ERC1: variants seen among roughly 807,000 people sequenced by gnomAD.
The protein encoded by ERC1 is RAB6 interacting protein 2.
In ERC1, 56 loss-of-function variants were observed where a neutral mutation model predicts 132.0. The ratio of observed to expected loss-of-function variants is 0.42; its 90% CI spans 0.34 to 0.53. The LOEUF (loss-of-function observed/expected upper bound fraction) is 0.53, where lower values mean the gene tolerates loss of function less well. ERC1 is among the 20% of genes least tolerant of loss of function. ERC1 has a pLI of 0.03. For synonymous variants in ERC1, 478 were observed against 476.1 expected (o/e 1.00, Z -0.05); for missense variants, 1,202 against 1,349.9 (o/e 0.89, Z 1.72).
chr12:1,219,402 T>C (rs1350366253), intron 12 of ERC1, among the ~76,000 whole-genome samples: 1 of 152,178 alleles, frequency 6.6e-6, no homozygotes, highest in African/African-American at 2.4e-5. Context: ...CATTCACTCA[T>C]TGTGCAGGCA....
At chr12:1,253,000 A>G (rs1001968780) in intron 13 of ERC1, among the ~76,000 whole-genome samples, 3 of 152,214 alleles carry the variant, frequency 2.0e-5, no homozygotes, top group African/African-American at 7.2e-5. Flanking sequence ...GATAATGGAT[A>G]ACAGTTAACA....
intron 15 of ERC1, among the ~76,000 whole-genome samples, chr12:1,298,565 C>T (rs76725080): frequency 7.3e-6 from 1 of 136,978 alleles, no homozygotes; most frequent in Non-Finnish European, 1.6e-5. Context: ...AACAAACAAA[C>T]AAAGAAAAAG....
At chr12:1,382,053 C>T (rs940309311) in intron 16 of ERC1, among the ~76,000 whole-genome samples, 2 of 152,124 alleles carry the variant, frequency 1.3e-5, no homozygotes, top group African/African-American at 4.8e-5. Flanking sequence ...CGTTCTATAA[C>T]CATTCCTGTC....
chr12:1,065,480 TTGTGTGTGTGTGTGTG>T (rs71293132), intron 2 of ERC1, among the ~76,000 whole-genome samples: 7 of 124,922 alleles, frequency 5.6e-5, no homozygotes, highest in Admixed American at 1.6e-4. Flanking sequence ...TTTGTACCGT[TTGTGTGTGTGTGTGTG>T]TGTGTGTGTG....
chr12:1,479,061 A>G (rs1344480751), intron 18 of ERC1, among the ~76,000 whole-genome samples: 1 of 152,242 alleles, frequency 6.6e-6, no homozygotes, highest in Non-Finnish European at 1.5e-5. Flanking sequence ...TTTATCAGAA[A>G]GACCATCTTT....
intron 1 of ERC1, chr12:1,020,702 G>C (rs913201331): frequency 3.3e-5 from 5 of 152,148 alleles, no homozygotes; most frequent in African/African-American, 1.2e-4. Context: ...GTATCCTCAC[G>C]ACATGGCAGC....
At chr12:1,282,049 G>A (rs947649488) in intron 14 of ERC1, among the ~76,000 whole-genome samples, 2 of 152,006 alleles carry the variant, frequency 1.3e-5, no homozygotes, top group Non-Finnish European at 2.9e-5. Context: ...TAAATAAAAG[G>A]AAAATTGAGA....
At chr12:1,071,683 C>T (rs1440502054) in intron 2 of ERC1, among the ~76,000 whole-genome samples, 1 of 151,976 alleles carries the variant, frequency 6.6e-6, no homozygotes, top group Non-Finnish European at 1.5e-5. Flanking sequence ...ATCACTCTTT[C>T]CATATGATAC....
In ERC1 at chr12:1,255,621, C is replaced by CTTT. The variant is rs757949030; in HGVS notation, c.2488-7386_2488-7384dup. ...TCTTCAGCATCTGTTGCTTCCTGGC[C>CTTT]TTTTTTTTTTTTTTTTTTTTTTTTT... On this transcript the variant is annotated intron_variant, in intron 13 of 18. Coordinates refer to ENST00000360905, the MANE Select transcript of ERC1 (RefSeq NM_178040.4). Among the ~76,000 whole-genome samples, 272 of 61,500 alleles carry CTTT rather than the reference C, an allele frequency of 4.4e-3. 48 individuals are homozygous for CTTT. The highest frequency in any genetic ancestry group is 8.6e-3 in the African/African-American group (143 of 16,622). The allele number at this position is 61,500 out of a possible 152,430, so 40.3% of individuals were successfully genotyped here. A position where few individuals can be genotyped will look rare whatever the true frequency, so the allele number is the denominator to read the frequency against.
intron 15 of ERC1, among the ~76,000 whole-genome samples, chr12:1,341,065 T>C (rs1005643142): frequency 5.2e-5 from 5 of 95,508 alleles, no homozygotes; most frequent in African/African-American, 1.9e-4. Context: ...ATTCTTTTCT[T>C]TTTCTTTTTT....
chr12:1,342,616 C>G (rs1349365913), intron 15 of ERC1, among the ~76,000 whole-genome samples: 1 of 152,054 alleles, frequency 6.6e-6, no homozygotes, highest in East Asian at 1.9e-4. Context: ...TTGTACAGAC[C>G]CTCCTAGTCT....
chr12:1,294,152 G>T (rs1306662398), intron 15 of ERC1, among the ~76,000 whole-genome samples: 1 of 152,000 alleles, frequency 6.6e-6, no homozygotes, highest in Non-Finnish European at 1.5e-5. Flanking sequence ...TTTCTGCCCT[G>T]ATATTCAGTG....
chr12:1,105,630 T>C (rs1945175955), intron 4 of ERC1, among the ~76,000 whole-genome samples: 1 of 152,202 alleles, frequency 6.6e-6, no homozygotes, highest in African/African-American at 2.4e-5. Context: ...GTGCTGGGAT[T>C]ACAGGTGTGA....
At chr12:1,240,731 A>C (rs73027426) in intron 13 of ERC1, among the ~76,000 whole-genome samples, 4,642 of 152,146 alleles carry the variant, frequency 0.031, 92 homozygotes, top group South Asian at 0.058. Context: ...AAAAATTATA[A>C]ATTTTAATTA....
chr12:1,413,361 A>G (rs993146373), intron 17 of ERC1, among the ~76,000 whole-genome samples: 2 of 152,122 alleles, frequency 1.3e-5, no homozygotes, highest in African/African-American at 2.4e-5. Flanking sequence ...TGGGAGGCCG[A>G]GGCAGGCAGA....
chr12:1,412,616 A>G (rs2091909023), intron 17 of ERC1, among the ~76,000 whole-genome samples: 1 of 152,162 alleles, frequency 6.6e-6, no homozygotes, highest in Admixed American at 6.5e-5. Context: ...GTTGTGAGAC[A>G]CGTGGACTCC....
At chr12:1,357,442 A>G (rs1181325419) in intron 15 of ERC1, among the ~76,000 whole-genome samples, 3 of 152,242 alleles carry the variant, frequency 2.0e-5, no homozygotes. Flanking sequence ...TTAATTGCCG[A>G]AAGCATTCAA....
intron 1 of ERC1, among the ~76,000 whole-genome samples, chr12:994,546 A>T (rs1355698519): frequency 2.0e-5 from 3 of 152,220 alleles, no homozygotes; most frequent in African/African-American, 7.2e-5. Context: ...TAACAGTAGT[A>T]CCTAACCTCT....
chr12:1,195,874 C>CA (rs1956174756), intron 12 of ERC1, among the ~76,000 whole-genome samples: 1 of 131,756 alleles, frequency 7.6e-6, no homozygotes, highest in African/African-American at 3.2e-5. Flanking sequence ...TACTTATTTC[C>CA]GCCCCCCCCC....
Sources: allele counts gnomAD v4.1 joint callset (sites outside exome capture counted in the v4.1 genomes callset), GRCh38; gene constraint gnomAD v4.1.1; transcripts MANE v1.5; gene names NCBI Gene and HGNC (gene_info 2026-07-23, HGNC 2026-07-21).